The following GPBP1 variants were observed in gnomAD, a reference collection of about 807,000 sequenced individuals.
The protein encoded by GPBP1 is GC-rich promoter binding protein 1, also known as vasculin.
Under a neutral mutation model 56.5 loss-of-function variants are expected in GPBP1, and 13 were observed. The ratio of observed to expected loss-of-function variants is 0.23; its 90% CI spans 0.15 to 0.37. The LOEUF (loss-of-function observed/expected upper bound fraction) is 0.37. GPBP1 is among the 10% of genes least tolerant of loss of function. GPBP1 has a pLI of 1.00. For missense variants in GPBP1, 477 were observed against 572.3 expected (o/e 0.83, Z 1.70); for synonymous variants, 204 against 188.9 (o/e 1.08, Z -0.66).
intron 10 of GPBP1, 129 bp downstream of exon 10, chr5:57,251,270 TAC>T (rs1288783880): frequency 4.0e-6 from 3 of 758,114 alleles, no homozygotes; most frequent in Non-Finnish European, 6.3e-6. Context: ...CATTATGATA[TAC>T]AGATGGTTTT....
intron 2 of GPBP1, among the ~76,000 whole-genome samples, chr5:57,210,087 A>T (rs1453502378): frequency 6.6e-6 from 1 of 152,194 alleles, no homozygotes; most frequent in Non-Finnish European, 1.5e-5. Flanking sequence ...ACGTGGCACA[A>T]ATTTGGTAGG....
Position 57,231,081 on chromosome 5 carries a change from G to A in GPBP1, c.188-17G>A, listed in dbSNP as rs1173621386. The A allele has an allele frequency of 3.7e-6, 6 of 1,601,936 alleles. No individual in the cohort carries two copies. Among genetic ancestry groups the A allele is most frequent in the African/African-American group, 2.7e-5 (2 of 74,258 alleles). On this transcript the variant is annotated splice_polypyrimidine_tract_variant and intron_variant, in intron 4 of 11. Coordinates refer to ENST00000506184, the MANE Select transcript of GPBP1 (RefSeq NM_022913.4). The stretch of plus-strand genomic sequence containing the variant: ...CTCTTCTTTGAATTTATATTACTTT[G>A]CTATTATCAAATAAAGGTAACTTTG...
chr5:57,235,904 T>G, intron 5 of GPBP1, 62 bp from the exon 6 acceptor site: 9 of 1,175,364 alleles, frequency 7.7e-6, no homozygotes, highest in Non-Finnish European at 1.1e-5. Flanking sequence ...TGTATGATTC[T>G]GAGATTGGTT....
At chr5:57,190,917 AGAACTCTAGGCAAAACATGTTGCCTT>A (rs1754495354) in intron 2 of GPBP1, among the ~76,000 whole-genome samples, 1 of 151,616 alleles carries the variant, frequency 6.6e-6, no homozygotes, top group Admixed American at 6.6e-5. Flanking sequence ...CATGTTGCCT[AGAACTCTAGGCAAAACATGTTGCCTT>A]GAACTCTAGG....
intron 5 of GPBP1, among the ~76,000 whole-genome samples, chr5:57,234,618 C>G (rs1756591001): frequency 6.6e-6 from 1 of 152,198 alleles, no homozygotes; most frequent in Non-Finnish European, 1.5e-5. Context: ...CCAGTCTAAT[C>G]ACTTGAGCCC....
At chr5:57,202,177 G>GT (rs892152354) in intron 2 of GPBP1, among the ~76,000 whole-genome samples, 2 of 152,058 alleles carry the variant, frequency 1.3e-5, no homozygotes, top group African/African-American at 4.8e-5. Context: ...TAGAGGCGAG[G>GT]TTTCACCATG....
chr5:57,214,058 C>T lies in GPBP1; in HGVS notation c.-57-16C>T. 1 of 1,278,552 alleles carries T rather than the reference C, an allele frequency of 7.8e-7. No individual in the cohort carries two copies. Among genetic ancestry groups the T allele is most frequent in the Non-Finnish European group, 1.1e-6 (1 of 879,160 alleles). The allele number at this position is 1,278,552 out of a possible 1,614,324, so 79.2% of individuals were successfully genotyped here. Reference sequence around the variant, plus strand: ...CAGGAGCTGCAGGTCTAATTCCTTCCATTTTTATGTGACAGGGACTTGCCA... The same window carrying T: ...CAGGAGCTGCAGGTCTAATTCCTTCTATTTTTATGTGACAGGGACTTGCCA... On this transcript the variant is annotated splice_polypyrimidine_tract_variant and intron_variant, in intron 2 of 11. Transcript: ENST00000506184.
chr5:57,174,879 G>C (rs1207772832), intron 1 of GPBP1, among the ~76,000 whole-genome samples: 1 of 152,226 alleles, frequency 6.6e-6, no homozygotes, highest in African/African-American at 2.4e-5. Context: ...TCCCTCAGAA[G>C]TGGGGAAGTC....
At chr5:57,212,976 C>T (rs746716779) in intron 2 of GPBP1, among the ~76,000 whole-genome samples, 8 of 152,204 alleles carry the variant, frequency 5.3e-5, no homozygotes, top group East Asian at 1.9e-4. Context: ...GCCACAATGC[C>T]GGGACCATTC....
chr5:57,198,770 C>T (rs1212236670), intron 2 of GPBP1, among the ~76,000 whole-genome samples: 1 of 152,142 alleles, frequency 6.6e-6, no homozygotes, highest in Non-Finnish European at 1.5e-5. Context: ...ATTGCTTGAA[C>T]CTCGGTGGCA....
At chr5:57,215,880 C>T (rs1187142474) in intron 3 of GPBP1, among the ~76,000 whole-genome samples, 1 of 150,500 alleles carries the variant, frequency 6.6e-6, no homozygotes. Context: ...TGGAGAGGAG[C>T]CTCTTATTTT....
chr5:57,246,253 A>G, intron 6 of GPBP1, 47 bp from the exon 7 acceptor site: 1 of 1,507,036 alleles, frequency 6.6e-7, no homozygotes, highest in Non-Finnish European at 9.0e-7. Context: ...ATTCTATACT[A>G]AAACTTGAAA....
chr5:57,260,510 TTACC>T (rs1347928800), intron 10 of GPBP1, among the ~76,000 whole-genome samples: 1 of 152,204 alleles, frequency 6.6e-6, no homozygotes, highest in Non-Finnish European at 1.5e-5. Context: ...AACTGATGTC[TTACC>T]TTTGTGGTGC....
chr5:57,231,540 T>C (rs1341437493), intron 5 of GPBP1, among the ~76,000 whole-genome samples: 3 of 152,208 alleles, frequency 2.0e-5, no homozygotes, highest in Non-Finnish European at 4.4e-5. Flanking sequence ...CCCAAAGTGC[T>C]GGGATTACAG....
chr5:57,262,566 T>G lies in GPBP1; in HGVS notation c.1264-28T>G, dbSNP rs540295327. 3.0e-5 allele frequency: 46 copies of G among 1,531,658 alleles called. No homozygotes were observed. The South Asian group carries it at 4.6e-4, about 15-fold the overall frequency. The allele number at this position is 1,531,658 out of a possible 1,614,324, so 94.9% of individuals were successfully genotyped here. On this transcript the variant is annotated intron_variant, in intron 11 of 11. Transcript: ENST00000506184. Reference sequence around the variant, plus strand: ...TAGGTTTGTAACTCTTGAGGGATAATTTATTTATTTTGCTGTTAACATTTT... The same window carrying G: ...TAGGTTTGTAACTCTTGAGGGATAAGTTATTTATTTTGCTGTTAACATTTT...
chr5:57,177,162 G>T (rs1282401944), intron 2 of GPBP1, among the ~76,000 whole-genome samples: 1 of 151,996 alleles, frequency 6.6e-6, no homozygotes, highest in East Asian at 1.9e-4. Context: ...GCCTAAGTTT[G>T]TAAGCAAAGC....
In GPBP1 at chr5:57,235,954, A is replaced by G; in HGVS notation, c.412-12A>G. 6.3e-7 allele frequency: 1 copy of G among 1,590,806 alleles called. No individual in the cohort carries two copies. Among genetic ancestry groups the G allele is most frequent in the Non-Finnish European group, 8.6e-7 (1 of 1,160,106 alleles). On this transcript the variant is annotated splice_polypyrimidine_tract_variant and intron_variant, in intron 5 of 11. Transcript: ENST00000506184. Reference sequence around the variant, plus strand: ...TTTAAAATGTGAAATGTTTATTCCAACTTTCTTCCAGCCGTCTTTAAATCC... The same window carrying G: ...TTTAAAATGTGAAATGTTTATTCCAGCTTTCTTCCAGCCGTCTTTAAATCC...
At chr5:57,219,738 A>C in intron 3 of GPBP1, among the ~76,000 whole-genome samples, 1 of 152,122 alleles carries the variant, frequency 6.6e-6, no homozygotes, top group East Asian at 1.9e-4. Context: ...TTTCATAGCT[A>C]ACATAAAGCA....
In GPBP1 at chr5:57,174,737, CAT is replaced by C. The variant is rs1369364168; in HGVS notation, c.-1011+527_-1011+528del. 5.3e-5 allele frequency among the ~76,000 whole-genome samples: 8 copies of C among 152,314 alleles called. No individual in the cohort carries two copies. In the South Asian group the frequency reaches 6.2e-4, roughly 12 times the overall value. On this transcript the variant is annotated intron_variant, in intron 1 of 11. Coordinates refer to ENST00000506184, the MANE Select transcript of GPBP1 (RefSeq NM_022913.4). ...TTGAGTCCTGTGGGGTCTGAGGGGA[CAT>C]GTGCATTTTTGAGAGAGAACCATTC...
Sources: gnomAD v4.1 joint callset for allele counts (sites outside exome capture counted in the v4.1 genomes callset) on GRCh38, gnomAD v4.1.1 for gene constraint, MANE v1.5 for transcripts, NCBI Gene and HGNC (gene_info 2026-07-23, HGNC 2026-07-21) for gene names.